USP50: variants seen among roughly 807,000 people sequenced by gnomAD.
USP50 encodes the protein ubiquitin specific peptidase 50.
In USP50, 37 loss-of-function variants were observed where a neutral mutation model predicts 39.2. The ratio of observed to expected loss-of-function variants is 0.94; its 90% confidence interval spans 0.73 to 1.24. The LOEUF (loss-of-function observed/expected upper bound fraction) is 1.24, where lower values mean the gene tolerates loss of function less well. Among genes scored for constraint, USP50 ranks in the 50% most tolerant of loss-of-function variants. USP50 has a pLI of 0.00. For missense variants in USP50, 374 were observed against 398.2 expected (o/e 0.94, Z 0.52); for synonymous variants, 139 against 144.5 (o/e 0.96, Z 0.27).
At chr15:50,538,679 A>C (rs72740407) in intron 5 of USP50, 30 bp downstream of exon 5, 85 of 1,543,074 alleles carry the variant, frequency 5.5e-5, no homozygotes, top group Non-Finnish European at 7.2e-5. Context: ...GTTCGAAAAT[A>C]TGTGCCCACA....
intron 6 of USP50, chr15:50,513,345 C>T (rs1283534262): frequency 6.6e-6 from 1 of 151,856 alleles, no homozygotes; most frequent in Non-Finnish European, 1.5e-5. Context: ...ACACAATATA[C>T]ATCATAGGCT....
At chr15:50,527,231 G>A (rs1452904766) in intron 6 of USP50, among the ~76,000 whole-genome samples, 1 of 152,180 alleles carries the variant, frequency 6.6e-6, no homozygotes, top group African/African-American at 2.4e-5. Context: ...CTGAGACGGA[G>A]TCTCGTTCTG....
At position 50,538,764 on chromosome 15, in the gene USP50, C is replaced by A. The variant is rs758490385; in HGVS notation, c.748G>T (p.Ala250Ser). 1 of 1,613,490 alleles carries A rather than the reference C, an allele frequency of 6.2e-7. No individual in the cohort carries two copies. The highest frequency in any genetic ancestry group is 1.1e-5 in the South Asian group (1 of 90,954). The change falls in exon 5 of 7, where the codon GCT (alanine) becomes TCT (serine). Residue 250 changes from alanine to serine, a missense_variant. Ala to Ser is a moderately conservative substitution (Grantham distance 99, BLOSUM62 1). Coordinates refer to ENST00000532404, the MANE Select transcript of USP50 (RefSeq NM_203494.5). ...CSFCETKQET[A>S]VRASISKAPK... ...GCTTTGGAAATACTGGCCCTCACAG[C>A]AGTTTCTTGCTTGGTTTCACAAAAG...
exon 2 of USP50, chr15:50,494,031 T>G (rs764697818): frequency 1.3e-6 from 2 of 1,589,936 alleles, no homozygotes; most frequent in Non-Finnish European, 8.6e-7. Flanking sequence ...ACTTTTAAAT[T>G]TCCTTTATTG....
chr15:50,494,035 TTTA>T (rs2052280196), exon 2 of USP50: 1 of 1,589,678 alleles, frequency 6.3e-7, no homozygotes, highest in Non-Finnish European at 8.5e-7. Context: ...TTAAATTTCC[TTTA>T]TTGTCTTTTG....
intron 4 of USP50, among the ~76,000 whole-genome samples, chr15:50,539,925 G>A: frequency 6.6e-6 from 1 of 152,178 alleles, no homozygotes; most frequent in East Asian, 1.9e-4. Flanking sequence ...GGAAGAAGAA[G>A]AAGAGCGCAG....
intron 5 of USP50, among the ~76,000 whole-genome samples, chr15:50,530,395 A>G (rs1047350548): frequency 1.3e-5 from 2 of 152,016 alleles, no homozygotes; most frequent in African/African-American, 4.8e-5. Flanking sequence ...CAGCTTGGCC[A>G]ATATGGTGAA....
downstream of USP50, chr15:50,493,461 G>C: frequency 1.9e-6 from 1 of 519,006 alleles, no homozygotes; most frequent in South Asian, 1.4e-5. Context: ...TTATCCTTAG[G>C]AATAATGAAG....
intron 5 of USP50, 31 bp downstream of exon 5, chr15:50,538,678 T>C: frequency 6.5e-7 from 1 of 1,542,938 alleles, no homozygotes; most frequent in South Asian, 1.2e-5. Flanking sequence ...TGTTCGAAAA[T>C]ATGTGCCCAC....
intron 4 of USP50, among the ~76,000 whole-genome samples, chr15:50,539,145 T>C (rs1389307983): frequency 2.0e-5 from 3 of 149,196 alleles, no homozygotes; most frequent in African/African-American, 7.5e-5. Flanking sequence ...AGTCTCGCTC[T>C]GTCACACAGG....
downstream of USP50, chr15:50,493,615 C>A (rs904651187): frequency 4.7e-6 from 2 of 429,880 alleles, no homozygotes; most frequent in Non-Finnish European, 9.1e-6. Flanking sequence ...TGTGGTGATA[C>A]ATGCCTATAG....
chr15:50,545,401 C>T (rs2053063219), intron 1 of USP50, among the ~76,000 whole-genome samples: 1 of 151,774 alleles, frequency 6.6e-6, no homozygotes, highest in African/African-American at 2.4e-5. Context: ...TAGTCATTTA[C>T]TCATGGGGTG....
intron 6 of USP50, chr15:50,511,880 C>T (rs2052742559): frequency 6.6e-6 from 1 of 152,164 alleles, no homozygotes; most frequent in South Asian, 2.1e-4. Flanking sequence ...CACCTGTGGT[C>T]CCAGCTACTC....
At chr15:50,500,530 C>A (rs1332941121), downstream of USP50, 1 of 432,324 alleles carries the variant, frequency 2.3e-6, no homozygotes, top group Non-Finnish European at 4.3e-6. Flanking sequence ...GTATAACATG[C>A]CCACAAGGCA....
intron 6 of USP50, among the ~76,000 whole-genome samples, chr15:50,528,274 T>G (rs560053414): frequency 1.9e-3 from 234 of 123,124 alleles, no homozygotes; most frequent in Admixed American, 3.4e-3. Flanking sequence ...ATACTGCACA[T>G]AATTACTTTT....
intron 5 of USP50, chr15:50,532,200 A>T (rs2052945860): frequency 2.2e-6 from 1 of 456,174 alleles, no homozygotes; most frequent in Non-Finnish European, 4.4e-6. Context: ...TCGCACGGTA[A>T]ATATTAGAGA....
At chr15:50,493,792 TG>T, downstream of USP50, 1 of 561,972 alleles carries the variant, frequency 1.8e-6, no homozygotes, top group Non-Finnish European at 3.3e-6. Context: ...ACAGACAGGA[TG>T]AGAGCAGTGC....
intron 6 of USP50, among the ~76,000 whole-genome samples, chr15:50,527,148 G>A (rs1381903363): frequency 1.3e-5 from 2 of 152,160 alleles, no homozygotes; most frequent in African/African-American, 4.8e-5. Context: ...AAACCACAGA[G>A]GGATCATATT....
chr15:50,521,250 C>A (rs2052848340), intron 6 of USP50, among the ~76,000 whole-genome samples: 1 of 152,122 alleles, frequency 6.6e-6, no homozygotes, highest in Non-Finnish European at 1.5e-5. Context: ...CCACACTGGC[C>A]AGGCTAGTCT....
Sources: gnomAD v4.1 joint callset for allele counts (sites outside exome capture counted in the v4.1 genomes callset) on GRCh38, gnomAD v4.1.1 for gene constraint, MANE v1.5 for transcripts, NCBI Gene and HGNC (gene_info 2026-07-23, HGNC 2026-07-21) for gene names.